Variants in LRMDA observed in about 807,000 individuals in gnomAD.
LRMDA encodes the protein leucine-rich melanocyte differentiation-associated protein.
Under a neutral mutation model 29.8 loss-of-function variants are expected in LRMDA, and 18 were observed. That is an observed-to-expected ratio of 0.60 (90% CI 0.42 to 0.90). LRMDA has a LOEUF of 0.90. Ranked by LOEUF, LRMDA falls within the 40% of genes least tolerant of loss-of-function variation. LRMDA has a pLI of 0.00. For synonymous variants in LRMDA, 125 were observed against 109.4 expected (o/e 1.14, Z -0.89); for missense variants, 273 against 273.9 (o/e 1.00, Z 0.02).
intron 6 of LRMDA, among the ~76,000 whole-genome samples, chr10:76,414,701 T>G (rs1045686592): frequency 1.1e-4 from 17 of 152,146 alleles, no homozygotes; most frequent in African/African-American, 3.6e-4. Context: ...GTGTGTAAGA[T>G]TTGTAACCCT....
chr10:76,253,701 C>T, intron 5 of LRMDA, among the ~76,000 whole-genome samples: 1 of 152,092 alleles, frequency 6.6e-6, no homozygotes, highest in Admixed American at 6.5e-5. Context: ...AAAAAATCAA[C>T]AAAAATATTT....
At chr10:76,378,697 T>A (rs1162391211) in intron 6 of LRMDA, among the ~76,000 whole-genome samples, 1 of 152,140 alleles carries the variant, frequency 6.6e-6, no homozygotes. Context: ...TTGATTTGCA[T>A]ATGTTGCAAA....
rs550133877 is a variant in LRMDA at position 76,175,414 on chromosome 10, G to T, written c.516+116631G>T. Among the ~76,000 whole-genome samples the T allele has an allele frequency of 2.6e-5, 4 of 152,312 alleles. No individual in the cohort carries two copies. In the East Asian group the frequency reaches 5.8e-4, roughly 22 times the overall value. The stretch of plus-strand genomic sequence containing the variant: ...GTGAAGTTCTTTTGATACATGAGTA[G>T]CTCTTAGAATGATGCCTGGCCCACT... On this transcript the variant is annotated intron_variant, in intron 5 of 6. Transcript: ENST00000611255.
At chr10:76,253,284 GAT>G (rs1852519275) in intron 5 of LRMDA, among the ~76,000 whole-genome samples, 1 of 152,174 alleles carries the variant, frequency 6.6e-6, no homozygotes, top group Non-Finnish European at 1.5e-5. Context: ...TAAGGACATT[GAT>G]TCATGGATCA....
chr10:75,762,407 C>A (rs998533087), intron 2 of LRMDA, among the ~76,000 whole-genome samples: 11 of 149,888 alleles, frequency 7.3e-5, no homozygotes, highest in Non-Finnish European at 1.6e-4. Flanking sequence ...AGTGTTAGTT[C>A]ATTTTATGTA....
chr10:76,449,183 A>C (rs1842382024), intron 6 of LRMDA, among the ~76,000 whole-genome samples: 1 of 151,782 alleles, frequency 6.6e-6, no homozygotes, highest in South Asian at 2.1e-4. Flanking sequence ...ATATGAGTTT[A>C]TGTATTTATT....
chr10:76,203,196 C>T (rs1328304972), intron 5 of LRMDA, among the ~76,000 whole-genome samples: 2 of 152,216 alleles, frequency 1.3e-5, no homozygotes, highest in African/African-American at 4.8e-5. Context: ...CTCACAAGTT[C>T]TGCTCCCTGT....
chr10:75,725,541 T>C (rs1254229359), intron 2 of LRMDA, among the ~76,000 whole-genome samples: 1 of 152,210 alleles, frequency 6.6e-6, no homozygotes, highest in African/African-American at 2.4e-5. Context: ...GTTGTGTAAA[T>C]CACTCTGTGT....
chr10:76,130,179 G>A (rs1849961424), intron 5 of LRMDA, among the ~76,000 whole-genome samples: 1 of 150,790 alleles, frequency 6.6e-6, no homozygotes, highest in Non-Finnish European at 1.5e-5. Flanking sequence ...GATACTGGGT[G>A]CAGGACGAGT....
intron 2 of LRMDA, among the ~76,000 whole-genome samples, chr10:75,785,509 AT>A (rs1843457094): frequency 1.3e-5 from 2 of 152,210 alleles, no homozygotes; most frequent in Admixed American, 6.5e-5. Context: ...TCTGGAAAAC[AT>A]TCTCTGCCTC....
chr10:75,879,546 A>T (rs1245067723), intron 2 of LRMDA, among the ~76,000 whole-genome samples: 1 of 152,122 alleles, frequency 6.6e-6, no homozygotes, highest in African/African-American at 2.4e-5. Context: ...TGTTGCGCTG[A>T]TGTATACATG....
At chr10:76,536,760 C>T (rs149074983) in intron 6 of LRMDA, among the ~76,000 whole-genome samples, 213 of 152,198 alleles carry the variant, frequency 1.4e-3, no homozygotes, top group Non-Finnish European at 2.2e-3. Flanking sequence ...ATTTGGCTAA[C>T]GTGGTTACCG....
At chr10:75,602,213 T>C (rs546955044) in intron 2 of LRMDA, among the ~76,000 whole-genome samples, 1 of 152,028 alleles carries the variant, frequency 6.6e-6, no homozygotes, top group African/African-American at 2.4e-5. Flanking sequence ...TTCCAAATGA[T>C]GCACCGTTAC....
intron 6 of LRMDA, among the ~76,000 whole-genome samples, chr10:76,467,701 A>G (rs1360797689): frequency 3.9e-5 from 6 of 152,144 alleles, no homozygotes; most frequent in Non-Finnish European, 8.8e-5. Flanking sequence ...CTGGGATGCT[A>G]TGATTTTTCT....
At chr10:76,101,728 C>T (rs1434488223) in intron 5 of LRMDA, among the ~76,000 whole-genome samples, 4 of 133,580 alleles carry the variant, frequency 3.0e-5, no homozygotes, top group African/African-American at 1.1e-4. Context: ...GAGATTGAGA[C>T]TCTGTCTCAA....
At chr10:76,473,878 C>A (rs1842642166) in intron 6 of LRMDA, among the ~76,000 whole-genome samples, 1 of 151,566 alleles carries the variant, frequency 6.6e-6, no homozygotes, top group South Asian at 2.1e-4. Context: ...ATCCTATGTT[C>A]CTGGATGTAA....
rs372952379 is a variant in LRMDA, at chr10:75,607,476, A to G, written c.131+168982A>G. 3.9e-5 allele frequency among the ~76,000 whole-genome samples: 6 copies of G among 152,318 alleles called. No homozygotes were observed. The East Asian group carries it at 1.2e-3, about 29-fold the overall frequency. ...TCTTTGGATGTTCTTATATTGAACTATATTTTTCTATTGATACAGGTGATA... is the reference window on the plus strand; with the variant it reads ...TCTTTGGATGTTCTTATATTGAACTGTATTTTTCTATTGATACAGGTGATA... On this transcript the variant is annotated intron_variant, in intron 2 of 6. Transcript: ENST00000611255.
chr10:75,927,003 A>G (rs1000676072), intron 2 of LRMDA, among the ~76,000 whole-genome samples: 1 of 152,208 alleles, frequency 6.6e-6, no homozygotes, highest in African/African-American at 2.4e-5. Flanking sequence ...CAGCAAACCT[A>G]AAAGCTGGAG....
At chr10:75,540,310 C>T (rs899243284) in intron 2 of LRMDA, among the ~76,000 whole-genome samples, 8 of 152,174 alleles carry the variant, frequency 5.3e-5, no homozygotes, top group Non-Finnish European at 1.2e-4. Context: ...CCAGAACAAG[C>T]TTGGCATGTT....
Sources: gnomAD v4.1 joint callset for allele counts (sites outside exome capture counted in the v4.1 genomes callset) on GRCh38, gnomAD v4.1.1 for gene constraint, MANE v1.5 for transcripts, NCBI Gene and HGNC (gene_info 2026-07-23, HGNC 2026-07-21) for gene names.